The following STX8 variants were observed in gnomAD, a reference collection of about 807,000 sequenced individuals.
STX8 encodes syntaxin-8.
A neutral mutation model predicts 37.5 loss-of-function variants in STX8; 23 were observed. The ratio of observed to expected loss-of-function variants is 0.61; its 90% CI spans 0.44 to 0.87. The LOEUF is 0.87. Among genes scored for constraint, STX8 ranks in the 40% least tolerant of loss-of-function variants. STX8 has a pLI of 0.00. For synonymous variants in STX8, 115 were observed against 99.1 expected (o/e 1.16, Z -0.95); for missense variants, 313 against 284.7 (o/e 1.10, Z -0.71).
intron 7 of STX8, among the ~76,000 whole-genome samples, chr17:9,351,840 G>T (rs1033020756): frequency 2.0e-5 from 3 of 152,094 alleles, no homozygotes; most frequent in Non-Finnish European, 4.4e-5. Flanking sequence ...TACAGTAGGT[G>T]ATGTTGTGTT....
At chr17:9,515,950 A>G (rs1235889299) in intron 4 of STX8, among the ~76,000 whole-genome samples, 1 of 152,198 alleles carries the variant, frequency 6.6e-6, no homozygotes, top group African/African-American at 2.4e-5. Context: ...AGGAAAGGGA[A>G]GGAAAGAAGA....
chr17:9,478,183 T>C (rs1396686954), intron 6 of STX8, among the ~76,000 whole-genome samples: 1 of 152,242 alleles, frequency 6.6e-6, no homozygotes, highest in East Asian at 1.9e-4. Context: ...TCGCCCAGGC[T>C]GGAGTGCAGT....
At chr17:9,351,092 T>A (rs1184263302) in intron 7 of STX8, among the ~76,000 whole-genome samples, 1 of 151,594 alleles carries the variant, frequency 6.6e-6, no homozygotes, top group Admixed American at 6.6e-5. Context: ...AACATCTATA[T>A]AGGCCAATGT....
At chr17:9,316,266 T>G (rs571737362) in intron 7 of STX8, among the ~76,000 whole-genome samples, 1 of 151,986 alleles carries the variant, frequency 6.6e-6, no homozygotes, top group Non-Finnish European at 1.5e-5. Flanking sequence ...CCTAAAACCT[T>G]TGGAATCTCT....
At chr17:9,329,037 C>T (rs536697212) in intron 7 of STX8, among the ~76,000 whole-genome samples, 3 of 106,046 alleles carry the variant, frequency 2.8e-5, no homozygotes, top group East Asian at 3.0e-4. Flanking sequence ...GCGACAAGAG[C>T]GAGATTCCAT....
At chr17:9,256,813 A>G (rs17741292) in intron 7 of STX8, among the ~76,000 whole-genome samples, 39,593 of 152,120 alleles carry the variant, frequency 0.26, 5,576 homozygotes, top group Admixed American at 0.35. Flanking sequence ...GTACTCGGTC[A>G]CGTGTGAAAA....
intron 6 of STX8, among the ~76,000 whole-genome samples, chr17:9,399,865 C>CAAAAAAAAAAA: frequency 1.0e-5 from 1 of 98,384 alleles, no homozygotes; most frequent in Non-Finnish European, 2.2e-5. Context: ...GACTCTGTCT[C>CAAAAAAAAAAA]AAAAAAAAAA....
chr17:9,309,414 C>T (rs1271985745), intron 7 of STX8, among the ~76,000 whole-genome samples: 2 of 152,140 alleles, frequency 1.3e-5, no homozygotes, highest in African/African-American at 2.4e-5. Flanking sequence ...AGCTACTTAT[C>T]ATGCAAACAA....
At chr17:9,485,004 T>G (rs1450138826) in intron 6 of STX8, among the ~76,000 whole-genome samples, 1 of 152,174 alleles carries the variant, frequency 6.6e-6, no homozygotes, top group Non-Finnish European at 1.5e-5. Flanking sequence ...AAATTAATAA[T>G]GTAGCTGGGT....
intron 1 of STX8, among the ~76,000 whole-genome samples, chr17:9,570,737 T>C (rs534021077): frequency 3.6e-4 from 55 of 152,214 alleles, no homozygotes; most frequent in African/African-American, 1.3e-3. Flanking sequence ...CATATAAAAA[T>C]CATCCACATA....
chr17:9,543,548 A>C (rs2142565218), intron 4 of STX8, among the ~76,000 whole-genome samples: 1 of 151,880 alleles, frequency 6.6e-6, no homozygotes, highest in East Asian at 1.9e-4. Flanking sequence ...CAGGCAATCC[A>C]CCCACCTTGG....
At chr17:9,271,890 T>C (rs1310313157) in intron 7 of STX8, among the ~76,000 whole-genome samples, 1 of 152,148 alleles carries the variant, frequency 6.6e-6, no homozygotes, top group Non-Finnish European at 1.5e-5. Context: ...TCTGTTACCA[T>C]GATAGAAGAA....
chr17:9,461,101 C>T (rs544506774), intron 6 of STX8: 8 of 151,672 alleles, frequency 5.3e-5, no homozygotes, highest in Admixed American at 2.0e-4. Context: ...CTGAGCTCAA[C>T]GTATAAGTTT....
intron 4 of STX8, among the ~76,000 whole-genome samples, chr17:9,512,452 T>A (rs115360914): frequency 6.6e-6 from 1 of 151,430 alleles, no homozygotes; most frequent in African/African-American, 2.4e-5. Flanking sequence ...TCCATGTATC[T>A]AGAGCCAACT....
intron 6 of STX8, among the ~76,000 whole-genome samples, chr17:9,394,690 TAAC>T (rs1161027439): frequency 6.0e-5 from 9 of 150,054 alleles, no homozygotes; most frequent in Admixed American, 6.0e-4. Context: ...TTTAAAACCA[TAAC>T]AACAACTGCC....
At chr17:9,280,057 T>C (rs747713938) in intron 7 of STX8, among the ~76,000 whole-genome samples, 4 of 151,978 alleles carry the variant, frequency 2.6e-5, no homozygotes, top group South Asian at 2.1e-4. Context: ...CTCATTTCTA[T>C]AAAAAATACA....
chr17:9,378,496 CA>C, intron 7 of STX8, 55 bp downstream of exon 7: 1 of 1,477,438 alleles, frequency 6.8e-7, no homozygotes, highest in Non-Finnish European at 9.5e-7. Context: ...AAACTCAGAG[CA>C]GAGTAAATCC....
At chr17:9,514,062 G>A (rs1339713645) in intron 4 of STX8, among the ~76,000 whole-genome samples, 1 of 152,048 alleles carries the variant, frequency 6.6e-6, no homozygotes, top group East Asian at 1.9e-4. Context: ...ATTTGTTAAG[G>A]GACACACAAT....
At chr17:9,278,257 G>A (rs1014021290) in intron 7 of STX8, among the ~76,000 whole-genome samples, 2 of 152,152 alleles carry the variant, frequency 1.3e-5, no homozygotes, top group South Asian at 4.1e-4. Context: ...AAACCAGCCT[G>A]ACCAACATAG....
Sources: gnomAD v4.1 joint callset for allele counts (sites outside exome capture counted in the v4.1 genomes callset) on GRCh38, gnomAD v4.1.1 for gene constraint, MANE v1.5 for transcripts, NCBI Gene and HGNC (gene_info 2026-07-23, HGNC 2026-07-21) for gene names.